Variants in RAD51B observed in about 807,000 individuals in gnomAD.
RAD51B encodes DNA repair protein RAD51 homolog 2.
Under a neutral mutation model 42.2 loss-of-function variants are expected in RAD51B, and 38 were observed. The observed-to-expected ratio is 0.90, with a 90% CI of 0.70 to 1.18. The LOEUF (loss-of-function observed/expected upper bound fraction) is 1.18. Among genes scored for constraint, RAD51B ranks in the 50% most tolerant of loss-of-function variants. RAD51B has a pLI of 0.00. For synonymous variants in RAD51B, 154 were observed against 145.2 expected (o/e 1.06, Z -0.43); for missense variants, 373 against 400.7 (o/e 0.93, Z 0.59).
chr14:68,388,751 G>T (rs974553105), intron 8 of RAD51B, among the ~76,000 whole-genome samples: 1 of 152,148 alleles, frequency 6.6e-6, no homozygotes, highest in Admixed American at 6.5e-5. Flanking sequence ...GCCACTTTTA[G>T]CTTGTTTTCA....
chr14:68,345,651 G>C (rs1407318184), intron 8 of RAD51B, among the ~76,000 whole-genome samples: 3 of 151,128 alleles, frequency 2.0e-5, no homozygotes, highest in Admixed American at 6.6e-5. Context: ...AGCGTCAGGT[G>C]TTTCTTTCTT....
intron 11 of RAD51B, among the ~76,000 whole-genome samples, chr14:68,661,801 C>T (rs910835357): frequency 2.6e-5 from 4 of 152,182 alleles, no homozygotes; most frequent in African/African-American, 9.7e-5. Flanking sequence ...AACTCACCAC[C>T]TCACGTCCCA....
At chr14:68,542,374 T>C (rs1888013353) in intron 10 of RAD51B, among the ~76,000 whole-genome samples, 1 of 152,244 alleles carries the variant, frequency 6.6e-6, no homozygotes, top group Non-Finnish European at 1.5e-5. Context: ...CTTGTGCTTA[T>C]ACTACTAATA....
chr14:68,427,398 A>G (rs1427162711), intron 9 of RAD51B, among the ~76,000 whole-genome samples: 1 of 152,244 alleles, frequency 6.6e-6, no homozygotes, highest in Non-Finnish European at 1.5e-5. Flanking sequence ...TAGCAAAGCC[A>G]TGGGGTTGGA....
At chr14:68,001,547 C>A in intron 7 of RAD51B, among the ~76,000 whole-genome samples, 1 of 152,024 alleles carries the variant, frequency 6.6e-6, no homozygotes, top group East Asian at 1.9e-4. Flanking sequence ...ATTTGATTTT[C>A]AACTTTTAAG....
chr14:68,504,582 G>C (rs552340287), intron 10 of RAD51B, among the ~76,000 whole-genome samples: 2 of 151,652 alleles, frequency 1.3e-5, no homozygotes, highest in South Asian at 4.1e-4. Context: ...TGGACTCTGC[G>C]ACTGGGATGT....
At chr14:68,600,423 G>A (rs561733803), downstream of RAD51B, among the ~76,000 whole-genome samples, 22 of 152,316 alleles carry the variant, frequency 1.4e-4, no homozygotes, top group Admixed American at 9.1e-4. Context: ...TCTAGACTGG[G>A]AGTGTGTACT....
intron 8 of RAD51B, among the ~76,000 whole-genome samples, chr14:68,331,225 G>A (rs1309568811): frequency 6.6e-6 from 1 of 151,532 alleles, no homozygotes; most frequent in African/African-American, 2.4e-5. Context: ...AGCTGGGCAT[G>A]GTGGCGCGTG....
At chr14:67,845,043 T>C (rs1466458414) in intron 4 of RAD51B, among the ~76,000 whole-genome samples, 1 of 152,240 alleles carries the variant, frequency 6.6e-6, no homozygotes, top group Non-Finnish European at 1.5e-5. Context: ...CATTGGGTCT[T>C]GACTCTTTGT....
intron 9 of RAD51B, chr14:68,421,722 A>T: frequency 6.3e-7 from 1 of 1,590,108 alleles, no homozygotes; most frequent in African/African-American, 1.3e-5. Context: ...CACAGTCAGC[A>T]ATGGTGATCT....
chr14:68,169,521 A>G (rs2078824750), intron 7 of RAD51B, among the ~76,000 whole-genome samples: 2 of 152,136 alleles, frequency 1.3e-5, no homozygotes, highest in Admixed American at 1.3e-4. Context: ...ATGGGCATTT[A>G]TTATTCTTTG....
intron 8 of RAD51B, among the ~76,000 whole-genome samples, chr14:68,407,602 G>T (rs939528646): frequency 6.6e-6 from 1 of 152,128 alleles, no homozygotes; most frequent in Admixed American, 6.5e-5. Flanking sequence ...CTGTATTAAA[G>T]GTGATAAGAA....
intron 4 of RAD51B, chr14:67,864,713 T>C: frequency 2.0e-6 from 1 of 509,492 alleles, no homozygotes; most frequent in Non-Finnish European, 3.7e-6. Flanking sequence ...TCAGCCTTTC[T>C]CAACTAGAAG....
chr14:68,408,376 G>T (rs1348488387), intron 8 of RAD51B, among the ~76,000 whole-genome samples: 6 of 152,184 alleles, frequency 3.9e-5, no homozygotes, highest in African/African-American at 1.4e-4. Context: ...TTGCTTTGAT[G>T]ATACTGAATT....
chr14:67,854,633 C>CAA (rs1174939557), intron 4 of RAD51B, among the ~76,000 whole-genome samples: 94 of 122,076 alleles, frequency 7.7e-4, no homozygotes, highest in African/African-American at 2.5e-3. Context: ...GGCTCCGTCT[C>CAA]AAAAAAAAAA....
At chr14:68,154,329 C>G (rs1027399943) in intron 7 of RAD51B, among the ~76,000 whole-genome samples, 2 of 152,148 alleles carry the variant, frequency 1.3e-5, no homozygotes, top group African/African-American at 4.8e-5. Flanking sequence ...AAGGCAAGAC[C>G]CGTCTGAGTA....
intron 7 of RAD51B, among the ~76,000 whole-genome samples, chr14:68,121,940 A>G (rs1189504135): frequency 1.3e-5 from 2 of 151,852 alleles, no homozygotes; most frequent in East Asian, 1.9e-4. Flanking sequence ...TATAAGATAT[A>G]TATACATATC....
intron 7 of RAD51B, among the ~76,000 whole-genome samples, chr14:68,001,968 C>G (rs984110884): frequency 3.3e-5 from 5 of 152,052 alleles, no homozygotes; most frequent in African/African-American, 2.4e-5. Flanking sequence ...TAGGTTGATT[C>G]CATGTCTTTG....
intron 10 of RAD51B, among the ~76,000 whole-genome samples, chr14:68,521,310 A>C (rs1886561035): frequency 6.6e-6 from 1 of 151,702 alleles, no homozygotes; most frequent in South Asian, 2.1e-4. Flanking sequence ...CTGACTCCCC[A>C]CTCCTCCCTT....
Sources: gnomAD v4.1 joint callset for allele counts (sites outside exome capture counted in the v4.1 genomes callset) on GRCh38, gnomAD v4.1.1 for gene constraint, MANE v1.5 for transcripts, NCBI Gene and HGNC (gene_info 2026-07-23, HGNC 2026-07-21) for gene names.